The following NCR1 variants were observed in gnomAD, a reference collection of about 807,000 sequenced individuals.
The protein encoded by NCR1 is natural cytotoxicity triggering receptor 1.
A neutral mutation model predicts 32.5 loss-of-function variants in NCR1; 30 were observed. The observed-to-expected ratio is 0.92, with a 90% CI of 0.69 to 1.25. The LOEUF (loss-of-function observed/expected upper bound fraction) is 1.25, where lower values mean the gene tolerates loss of function less well. Ranked by LOEUF, NCR1 falls within the 50% of genes most tolerant of loss-of-function variation. The pLI is 0.00. For missense variants in NCR1, 369 were observed against 380.7 expected, an observed-to-expected ratio of 0.97 and a Z score of 0.26; for synonymous variants, 169 against 143.4, an observed-to-expected ratio of 1.18 and a Z score of -1.28.
Position 54,913,044 on chromosome 19 carries a change from A to T in NCR1, c.*173A>T. ...ACGATGCAGAGGGTGGGAGAACTAC[A>T]TGCTAAATTTCTTTTTTTTTTTTTT... On this transcript the variant is annotated 3_prime_UTR_variant, in exon 7 of 7. Transcript: ENST00000291890. The T allele has an allele frequency of 1.9e-6, 1 of 532,946 alleles. No individual in the cohort carries two copies. Among genetic ancestry groups the T allele is most frequent in the Non-Finnish European group, 3.1e-6 (1 of 320,910 alleles). The allele number at this position is 532,946 out of a possible 1,614,324, so 33.0% of individuals were successfully genotyped here.
chr19:54,925,012 T>C, the NCR1 span, among the ~76,000 whole-genome samples: 22 of 151,526 alleles, frequency 1.5e-4, no homozygotes, highest in African/African-American at 5.3e-4. Flanking sequence ...AACCCCAGGG[T>C]TAATGATAGC....
At chr19:54,930,411 G>A in the NCR1 span, 17 of 911,046 alleles carry the variant, frequency 1.9e-5, no homozygotes, top group East Asian at 2.5e-5. Context: ...GCAGTGAGCC[G>A]TAATCACCCC....
Position 54,912,173 on chromosome 19 carries a change from A to G in NCR1, c.688A>G (p.Thr230Ala), listed in dbSNP as rs776911191. 4 of 1,613,888 alleles carry G rather than the reference A, an allele frequency of 2.5e-6. No individual in the cohort carries two copies. Among genetic ancestry groups the G allele is most frequent in the East Asian group, 4.5e-5 (2 of 44,872 alleles). Residue 230 changes from threonine to alanine, a missense_variant, in exon 6 of 7, where the codon ACT (threonine) becomes GCT (alanine). By Grantham distance (58) the Thr-to-Ala change is moderately conservative. Transcript: ENST00000291890. ...APEDPTFPAD[T>A]WGTYLLTTET... Reference sequence around the variant, plus strand: ...TTCACTTCCCTTATCATCAGCAGACACTTGGGGCACCTACCTTTTAACCAC... The same window carrying G: ...TTCACTTCCCTTATCATCAGCAGACGCTTGGGGCACCTACCTTTTAACCAC...
chr19:54,903,545 C>T (rs1045314020), upstream of NCR1, among the ~76,000 whole-genome samples: 7 of 131,280 alleles, frequency 5.3e-5, no homozygotes, highest in East Asian at 4.9e-4. Context: ...TGCATGTATG[C>T]ATGTGTGTAT....
upstream of NCR1, among the ~76,000 whole-genome samples, chr19:54,901,554 A>C (rs1458537891): frequency 1.3e-5 from 2 of 151,880 alleles, no homozygotes; most frequent in Non-Finnish European, 2.9e-5. Context: ...CTGTAATCCC[A>C]ATACCTTGGG....
downstream of NCR1, among the ~76,000 whole-genome samples, chr19:54,919,758 C>T (rs1035513721): frequency 5.1e-5 from 7 of 136,122 alleles, no homozygotes; most frequent in East Asian, 2.7e-4. Context: ...TGCTAAGTAG[C>T]GGGTGTTGTT....
At chr19:54,928,054 C>A in the NCR1 span, among the ~76,000 whole-genome samples, 4,494 of 152,078 alleles carry the variant, frequency 0.03, 221 homozygotes, top group African/African-American at 0.1. Context: ...ATGGCAAAAC[C>A]CCATCTCTAC....
At chr19:54,923,936 A>T in the NCR1 span, 1 of 1,557,082 alleles carries the variant, frequency 6.4e-7, no homozygotes, top group Non-Finnish European at 8.8e-7. Context: ...GGATGCCTGA[A>T]TATCTGTTTT....
chr19:54,928,432 G>A, the NCR1 span, among the ~76,000 whole-genome samples: 1 of 152,134 alleles, frequency 6.6e-6, no homozygotes, highest in African/African-American at 2.4e-5. Context: ...CATATTTGCT[G>A]GGGCTCCAGT....
downstream of NCR1, among the ~76,000 whole-genome samples, chr19:54,919,451 CAG>C (rs1191560656): frequency 2.0e-5 from 3 of 152,044 alleles, no homozygotes; most frequent in South Asian, 2.1e-4. Flanking sequence ...GGAGAGGAGA[CAG>C]AGAGAAAGAC....
At chr19:54,930,711 A>G in the NCR1 span, 1 of 1,547,168 alleles carries the variant, frequency 6.5e-7, no homozygotes, top group Non-Finnish European at 8.9e-7. Flanking sequence ...CCCTCTGGCT[A>G]ACGCCCTGTG....
chr19:54,930,520 T>A, the NCR1 span: 1 of 1,611,272 alleles, frequency 6.2e-7, no homozygotes, highest in Non-Finnish European at 8.5e-7. Flanking sequence ...TAGGTTACAG[T>A]TTGGATTCTC....
At position 54,909,934 on chromosome 19, in the gene NCR1, C is replaced by CAAAA. The variant is rs11345154; in HGVS notation, c.635-65_635-62dup. The CAAAA allele has an allele frequency of 1.8e-3, 1,086 of 610,152 alleles. 8 individuals are homozygous for CAAAA. The highest frequency in any genetic ancestry group is 3.0e-3 in the South Asian group (151 of 50,604). The allele number at this position is 610,152 out of a possible 1,614,324, so 37.8% of individuals were successfully genotyped here. On this transcript the variant is annotated intron_variant, in intron 4 of 6. Transcript: ENST00000291890. ...TGGGCGACAGAGCAAGACTCCATCTCAAAAAAAAAAAAAAAAAAAAAAGAA... is the reference window on the plus strand; with the variant it reads ...TGGGCGACAGAGCAAGACTCCATCTCAAAAAAAAAAAAAAAAAAAAAAAAAAGAA...
At chr19:54,923,424 C>G in the NCR1 span, 2 of 434,234 alleles carry the variant, frequency 4.6e-6, no homozygotes, top group Non-Finnish European at 8.5e-6. Context: ...CATCCCTGAA[C>G]TTCTTAGCAA....
At chr19:54,919,895 A>G (rs186812915), downstream of NCR1, among the ~76,000 whole-genome samples, 3 of 151,808 alleles carry the variant, frequency 2.0e-5, no homozygotes, top group Non-Finnish European at 2.9e-5. Flanking sequence ...GAAGGCTCGC[A>G]CTCTTGTCTT....
chr19:54,916,509 G>A (rs148209606), downstream of NCR1, among the ~76,000 whole-genome samples: 786 of 150,366 alleles, frequency 5.2e-3, 9 homozygotes, highest in African/African-American at 0.018. Flanking sequence ...AGTAGAGACG[G>A]GGTTTCTCCA....
rs763710541 is a variant in NCR1 at position 54,912,175 on chromosome 19, T to C, written c.690T>C (p.Thr230=). The C allele has an allele frequency of 6.8e-6, 11 of 1,613,676 alleles. No individual in the cohort carries two copies. The highest frequency in any genetic ancestry group is 3.3e-5 in the Admixed American group (2 of 59,978). The change falls in exon 6 of 7, where the codon ACT becomes ACC. Residue 230 remains threonine (T), a synonymous_variant. Coordinates refer to ENST00000291890, the MANE Select transcript of NCR1 (RefSeq NM_004829.7). ...APEDPTFPAD[T]WGTYLLTTET... ...CACTTCCCTTATCATCAGCAGACAC[T>C]TGGGGCACCTACCTTTTAACCACAG... is the stretch of plus-strand genomic sequence containing the variant.
downstream of NCR1, chr19:54,915,926 T>C (rs192433223): frequency 2.0e-5 from 3 of 151,942 alleles, no homozygotes; most frequent in African/African-American, 7.2e-5. Flanking sequence ...AACACAACTT[T>C]GTGGTAATCT....
the NCR1 span, among the ~76,000 whole-genome samples, chr19:54,922,000 G>A: frequency 2.6e-5 from 4 of 151,648 alleles, no homozygotes; most frequent in Non-Finnish European, 4.4e-5. Flanking sequence ...GGGTTCAAGC[G>A]ATTCTCCTGC....
Sources: gnomAD v4.1 joint callset for allele counts (sites outside exome capture counted in the v4.1 genomes callset) on GRCh38, gnomAD v4.1.1 for gene constraint, MANE v1.5 for transcripts, NCBI Gene and HGNC (gene_info 2026-07-23, HGNC 2026-07-21) for gene names.